The following RHBDL2 variants were observed in gnomAD, a reference collection of about 807,000 sequenced individuals.
RHBDL2 encodes rhomboid like 2.
RHBDL2 carries 26 observed loss-of-function variants against 31.7 expected under a neutral mutation model. That is an observed-to-expected ratio of 0.82 (90% CI 0.60 to 1.14). RHBDL2 has a LOEUF of 1.14. Ranked by LOEUF, RHBDL2 falls within the 50% of genes most tolerant of loss-of-function variation. RHBDL2 has a pLI of 0.00. For synonymous variants in RHBDL2, 123 were observed against 127.2 expected (o/e 0.97, Z 0.22); for missense variants, 336 against 364.4 (o/e 0.92, Z 0.63).
chr1:38,911,193 T>A (rs1311274879), intron 4 of RHBDL2, 129 bp downstream of exon 4: 1 of 600,972 alleles, frequency 1.7e-6, no homozygotes, highest in Non-Finnish European at 3.0e-6. Context: ...AGGCTTAATG[T>A]GTTCCCGAGC....
rs1436971511 is a variant in RHBDL2, at chr1:38,887,983, C to T, written c.712G>A (p.Val238Ile). The part of the protein sequence containing the change: ...MGFALYRRFF[V>I]PEDGSPVSFA... The stretch of plus-strand genomic sequence containing the variant: ...CTCACCGGAGACCCATCTTCAGGAA[C>T]AAAGAACCTTCTATAGAGAGCAAAT... The change falls in exon 7 of 8, where the codon GTT (valine) becomes ATT (isoleucine). Residue 238 changes from valine (V) to isoleucine (I), a missense_variant. Transcript: ENST00000372990. 5.0e-6 allele frequency: 8 copies of T among 1,612,276 alleles called. No individual in the cohort carries two copies. Among genetic ancestry groups the T allele is most frequent in the Non-Finnish European group, 5.9e-6 (7 of 1,178,538 alleles).
chr1:38,892,512 A>G (rs980904674), intron 6 of RHBDL2, among the ~76,000 whole-genome samples: 1 of 152,172 alleles, frequency 6.6e-6, no homozygotes, highest in African/African-American at 2.4e-5. Context: ...CACCCATGAG[A>G]GCCTGTAAAA....
chr1:38,893,727 T>TG (rs1294005556), intron 5 of RHBDL2, among the ~76,000 whole-genome samples: 21 of 145,366 alleles, frequency 1.4e-4, no homozygotes, highest in Non-Finnish European at 2.4e-4. Flanking sequence ...GGGGCGCTCT[T>TG]GGGGGGGTTC....
At chr1:38,921,247 T>C (rs1331669171) in intron 1 of RHBDL2, among the ~76,000 whole-genome samples, 3 of 152,150 alleles carry the variant, frequency 2.0e-5, no homozygotes, top group Non-Finnish European at 4.4e-5. Context: ...CTGGGCATAG[T>C]GGCACGTGCC....
intron 5 of RHBDL2, among the ~76,000 whole-genome samples, 185 bp from the exon 6 acceptor site, chr1:38,893,409 T>C (rs556331782): frequency 4.1e-4 from 63 of 152,186 alleles, no homozygotes; most frequent in Non-Finnish European, 7.3e-4. Flanking sequence ...CTTTGGAGAA[T>C]AAAATGACAA....
At chr1:38,900,675 A>C (rs561162370) in intron 4 of RHBDL2, among the ~76,000 whole-genome samples, 118 of 152,210 alleles carry the variant, frequency 7.8e-4, no homozygotes, top group African/African-American at 2.7e-3. Flanking sequence ...GCAGTGAGCC[A>C]AGATCATGCC....
intron 1 of RHBDL2, among the ~76,000 whole-genome samples, chr1:38,934,599 T>A: frequency 7.2e-6 from 1 of 138,252 alleles, no homozygotes; most frequent in Non-Finnish European, 1.5e-5. Context: ...GAGGTTGCAG[T>A]GAGCAATGCA....
intron 1 of RHBDL2, among the ~76,000 whole-genome samples, chr1:38,937,105 A>T (rs560204959): frequency 8.7e-5 from 13 of 149,806 alleles, no homozygotes; most frequent in African/African-American, 2.7e-4. Flanking sequence ...CCGCCACCAC[A>T]CCCAGCTAAT....
chr1:38,896,570 C>T (rs964734835), intron 4 of RHBDL2, among the ~76,000 whole-genome samples: 1 of 152,056 alleles, frequency 6.6e-6, no homozygotes, highest in Non-Finnish European at 1.5e-5. Context: ...TTGCATCAAC[C>T]TAATATTATT....
chr1:38,929,741 G>C (rs1036678704), intron 1 of RHBDL2: 6 of 193,200 alleles, frequency 3.1e-5, no homozygotes, highest in Non-Finnish European at 4.7e-5. Flanking sequence ...GAGAGGCCAG[G>C]ATTGGACTTC....
chr1:38,936,061 T>A (rs1046967384), intron 1 of RHBDL2, among the ~76,000 whole-genome samples: 3 of 151,740 alleles, frequency 2.0e-5, no homozygotes, highest in Admixed American at 6.6e-5. Context: ...CACAGGCACA[T>A]GCCACCACGC....
intron 1 of RHBDL2, among the ~76,000 whole-genome samples, chr1:38,928,363 C>CA (rs1643401928): frequency 6.6e-6 from 1 of 151,964 alleles, no homozygotes; most frequent in Non-Finnish European, 1.5e-5. Flanking sequence ...AGGATGGTCT[C>CA]AATCTCCTGA....
chr1:38,893,908 T>C (rs770264464), intron 5 of RHBDL2, among the ~76,000 whole-genome samples: 2 of 152,076 alleles, frequency 1.3e-5, no homozygotes, highest in African/African-American at 2.4e-5. Context: ...CCTGGCTCAT[T>C]GTTGGATTTT....
At chr1:38,919,416 G>C in intron 1 of RHBDL2, 79 bp from the exon 2 acceptor site, 1 of 1,355,876 alleles carries the variant, frequency 7.4e-7, no homozygotes, top group Non-Finnish European at 9.7e-7. Flanking sequence ...AGTTTTCTAT[G>C]TAATTGTTTT....
intron 1 of RHBDL2, among the ~76,000 whole-genome samples, chr1:38,934,216 C>T (rs538340605): frequency 6.6e-6 from 1 of 151,792 alleles, no homozygotes; most frequent in South Asian, 2.1e-4. Flanking sequence ...GGCGTTATGG[C>T]GGGTGCCTGT....
At chr1:38,894,702 T>C (rs9438983) in intron 5 of RHBDL2, among the ~76,000 whole-genome samples, 50,048 of 127,926 alleles carry the variant, frequency 0.39, 10,093 homozygotes, top group Non-Finnish European at 0.49. Context: ...TTTTTCTTTT[T>C]TTTTCTTTTT....
chr1:38,911,619 T>C (rs1643143950), intron 3 of RHBDL2, among the ~76,000 whole-genome samples, 185 bp from the exon 4 acceptor site: 3 of 93,846 alleles, frequency 3.2e-5, no homozygotes, highest in Admixed American at 1.2e-4. Context: ...TGTGTGTGTG[T>C]GTGTGTGTGT....
chr1:38,931,076 G>A (rs1250514404), intron 1 of RHBDL2, among the ~76,000 whole-genome samples: 2 of 152,324 alleles, frequency 1.3e-5, no homozygotes, highest in South Asian at 2.1e-4. Flanking sequence ...CATCTGAAGA[G>A]ACTTAAATGT....
At chr1:38,922,339 C>T (rs1410108456) in intron 1 of RHBDL2, among the ~76,000 whole-genome samples, 1 of 121,590 alleles carries the variant, frequency 8.2e-6, no homozygotes, top group African/African-American at 3.6e-5. Context: ...AGGATCACGG[C>T]TCATTGCAGC....
Sources: allele counts gnomAD v4.1 joint callset (sites outside exome capture counted in the v4.1 genomes callset), GRCh38; gene constraint gnomAD v4.1.1; transcripts MANE v1.5; gene names NCBI Gene and HGNC (gene_info 2026-07-23, HGNC 2026-07-21).